Variants in CACNA1B observed in about 807,000 individuals in gnomAD.
The protein encoded by CACNA1B is voltage-dependent N-type calcium channel subunit alpha-1B.
A neutral mutation model predicts 247.2 loss-of-function variants in CACNA1B; 70 were observed. That is an observed-to-expected ratio of 0.28 (90% CI 0.23 to 0.35). The LOEUF (loss-of-function observed/expected upper bound fraction) is 0.35. Ranked by LOEUF, CACNA1B falls within the 10% of genes least tolerant of loss-of-function variation. The pLI is 1.00. For missense variants in CACNA1B, 2,367 were observed against 3,197.4 expected (o/e 0.74, Z 6.26); for synonymous variants, 1,231 against 1,294.4 (o/e 0.95, Z 1.05).
intron 20 of CACNA1B, among the ~76,000 whole-genome samples, chr9:138,029,222 CTGTAGGATATTCCCGTTA>C (rs1958958285): frequency 6.6e-6 from 1 of 152,160 alleles, no homozygotes; most frequent in South Asian, 2.1e-4. Flanking sequence ...AGGATATATT[CTGTAGGATATTCCCGTTA>C]TTGGTTCATA....
In CACNA1B at chr9:138,025,081, T is replaced by C; in HGVS notation, c.3195T>C (p.Thr1065=). 6.2e-7 allele frequency: 1 copy of C among 1,613,234 alleles called. No homozygotes were observed. Among genetic ancestry groups the C allele is most frequent in the African/African-American group, 1.3e-5 (1 of 75,038 alleles). The change falls in exon 20 of 47, where the codon ACT becomes ACC. Residue 1065 remains threonine (T), a synonymous_variant. Coordinates refer to ENST00000371372, the MANE Select transcript of CACNA1B (RefSeq NM_000718.4). ...ATGCAGACAATCAGCGGAACGTCAC[T>C]CGCATGGGCAGTCAGCCCCCAGACC... ...PEDADNQRNV[T]RMGSQPPDPN... is the part of the protein sequence containing the mutation.
chr9:137,894,302 A>ATTTTTTTTTTTTTTTTT, intron 3 of CACNA1B, among the ~76,000 whole-genome samples: 1 of 96,070 alleles, frequency 1.0e-5, no homozygotes, highest in Non-Finnish European at 2.3e-5. Flanking sequence ...TTGTCTCTGT[A>ATTTTTTTTTTTTTTTTT]TTTTTTTTTT....
At chr9:137,926,975 T>C (rs1957558154) in intron 6 of CACNA1B, among the ~76,000 whole-genome samples, 1 of 152,234 alleles carries the variant, frequency 6.6e-6, no homozygotes, top group Admixed American at 6.5e-5. Flanking sequence ...TCTCCCATTC[T>C]ATGTGTGCCC....
chr9:138,058,801 G>C lies in CACNA1B; in HGVS notation c.4473+68G>C. 4 of 1,395,470 alleles carry C rather than the reference G, an allele frequency of 2.9e-6. No homozygotes were observed. The highest frequency in any genetic ancestry group is 4.0e-6 in the Non-Finnish European group (4 of 1,010,818). 86.4% of individuals were successfully genotyped at this position (1,395,470 alleles called of 1,614,324 possible). A position where few individuals can be genotyped will look rare whatever the true frequency, so the allele number is the denominator to read the frequency against. On this transcript the variant is annotated intron_variant, in intron 29 of 46. Coordinates refer to ENST00000371372, the MANE Select transcript of CACNA1B (RefSeq NM_000718.4). This position sits in a 1 kb window ranked among gnomAD's most constrained non-coding sequence, Gnocchi z 4.7. The stretch of plus-strand genomic sequence containing the variant: ...GATTGGGATCTAACCCTGAGGCTGA[G>C]TGGAGAGTCAGCCTTCTTCCTCCCT...
At chr9:138,053,405 G>A (rs1959365281) in intron 25 of CACNA1B, among the ~76,000 whole-genome samples, 1 of 152,190 alleles carries the variant, frequency 6.6e-6, no homozygotes, top group Non-Finnish European at 1.5e-5. Flanking sequence ...CCTCTCTGTG[G>A]TCAGGGGCCT....
Position 138,073,378 on chromosome 9 carries a change from C to T in CACNA1B, c.4675-110C>T. 3.0e-6 allele frequency: 2 copies of T among 677,944 alleles called. No individual in the cohort carries two copies. Among genetic ancestry groups the T allele is most frequent in the Non-Finnish European group, 5.4e-6 (2 of 371,930 alleles). The allele number at this position is 677,944 out of a possible 1,614,324, so 42.0% of individuals were successfully genotyped here. On this transcript the variant is annotated intron_variant, in intron 32 of 46. Coordinates refer to ENST00000371372, the MANE Select transcript of CACNA1B (RefSeq NM_000718.4). The surrounding 1 kb of genome is among the most constrained non-coding windows in gnomAD (Gnocchi z 6.4). Reference sequence around the variant, plus strand: ...AGACCTTTGATTTTAATCTTTTTAACCACTTTTCTTTGGGGCCACAGGGAT... The same window carrying T: ...AGACCTTTGATTTTAATCTTTTTAATCACTTTTCTTTGGGGCCACAGGGAT...
chr9:137,967,720 CAT>C (rs1250901266), intron 10 of CACNA1B, among the ~76,000 whole-genome samples: 1 of 152,300 alleles, frequency 6.6e-6, no homozygotes, highest in East Asian at 1.9e-4. Flanking sequence ...TCCTGTTGCA[CAT>C]GAGGCATCGG....
At position 137,990,291 on chromosome 9, in the gene CACNA1B, C is replaced by T. The variant is rs2133387671; in HGVS notation, c.1974+3437C>T. On this transcript the variant is annotated intron_variant, in intron 15 of 46. Transcript: ENST00000371372. The surrounding 1 kb of genome is among the most constrained non-coding windows in gnomAD (Gnocchi z 4.5). ...ACCACACACCCATCCCCCACAGCAG[C>T]CACAGCAAGCCCCGCCCAAGCAGAG... is the stretch of plus-strand genomic sequence containing the variant. 6.6e-6 allele frequency among the ~76,000 whole-genome samples: 1 copy of T among 152,178 alleles called. No homozygotes were observed. Among genetic ancestry groups the T allele is most frequent in the Non-Finnish European group, 1.5e-5 (1 of 67,998 alleles).
chr9:138,073,976 A>G lies in CACNA1B; in HGVS notation c.4792-25A>G. 2 of 1,602,960 alleles carry G rather than the reference A, an allele frequency of 1.2e-6. No individual in the cohort carries two copies. Among genetic ancestry groups the G allele is most frequent in the Non-Finnish European group, 1.7e-6 (2 of 1,174,220 alleles). On this transcript the variant is annotated intron_variant, in intron 33 of 46. Transcript: ENST00000371372. This position sits in a 1 kb window ranked among gnomAD's most constrained non-coding sequence, Gnocchi z 6.4. ...GGCGTGGTGGCTGGGAGGTGCCTGT[A>G]GCTGACCGGCCCCTGTCTCCGCAGG...
chr9:138,017,117 G>A, intron 18 of CACNA1B: 1 of 518,936 alleles, frequency 1.9e-6, no homozygotes, highest in Admixed American at 1.9e-5. Flanking sequence ...ACTTCTGTCT[G>A]TTCTGTTTTT....
intron 8 of CACNA1B, 83 bp from the exon 9 acceptor site, chr9:137,956,688 C>T (rs1320469442): frequency 3.6e-6 from 4 of 1,123,488 alleles, no homozygotes; most frequent in African/African-American, 3.2e-5. Flanking sequence ...GAAGGCAGGG[C>T]CTTCCAGACA....
At chr9:137,901,033 G>C (rs544297528) in intron 3 of CACNA1B, among the ~76,000 whole-genome samples, 1 of 142,928 alleles carries the variant, frequency 7.0e-6, no homozygotes, top group African/African-American at 2.6e-5. Flanking sequence ...CCGTGTGTCC[G>C]TGTCTGTGCT....
At chr9:138,083,344 G>A (rs1322382191) in intron 36 of CACNA1B, among the ~76,000 whole-genome samples, 1 of 151,088 alleles carries the variant, frequency 6.6e-6, no homozygotes, top group East Asian at 2.0e-4. Context: ...TCCCTGAGGG[G>A]CCACGTGGAG....
At chr9:138,009,636 G>A (rs1397215438) in intron 16 of CACNA1B, among the ~76,000 whole-genome samples, 1 of 152,212 alleles carries the variant, frequency 6.6e-6, no homozygotes, top group East Asian at 1.9e-4. Context: ...TGGGAGCACA[G>A]CAGGCAGACC....
At position 138,121,417 on chromosome 9, in the gene CACNA1B, CTTTTTT is replaced by C. The variant is rs35987844; in HGVS notation, c.6490-39_6490-34del. 6.3e-4 allele frequency: 543 copies of C among 866,516 alleles called. 1 individual carries two copies. Among genetic ancestry groups the C allele is most frequent in the Non-Finnish European group, 8.3e-4 (514 of 617,062 alleles). The allele number at this position is 866,516 out of a possible 1,614,324, so 53.7% of individuals were successfully genotyped here. On this transcript the variant is annotated intron_variant, in intron 46 of 46. Transcript: ENST00000371372. The surrounding 1 kb of genome is among the most constrained non-coding windows in gnomAD (Gnocchi z 6.8). ...TGATGTGCTCTGTCTGTTGGTTCGG[CTTTTTT>C]TTTTTTTTTTTTACCTCTGATTTGT...
chr9:138,059,830 C>T lies in CACNA1B; in HGVS notation c.4668+93C>T, dbSNP rs1235792519. 6.5e-6 allele frequency: 5 copies of T among 770,418 alleles called. No homozygotes were observed. In the African/African-American group the frequency reaches 6.9e-5, roughly 11 times the overall value. 47.7% of individuals were successfully genotyped at this position (770,418 alleles called of 1,614,324 possible). ...GTGCATCTCCAGGCCCTGTGTTAGC[C>T]TCTTCCTGGGTTCCGCAGAACCCCC... On this transcript the variant is annotated intron_variant, in intron 31 of 46. Coordinates refer to ENST00000371372, the MANE Select transcript of CACNA1B (RefSeq NM_000718.4). The surrounding 1 kb of genome is among the most constrained non-coding windows in gnomAD (Gnocchi z 4.2).
rs562209109 is a variant in CACNA1B, at chr9:137,988,849, A to T, written c.1974+1995A>T. 9.8e-5 allele frequency among the ~76,000 whole-genome samples: 15 copies of T among 152,296 alleles called. No homozygotes were observed. In the East Asian group the frequency reaches 2.9e-3, roughly 29 times the overall value. On this transcript the variant is annotated intron_variant, in intron 15 of 46. Coordinates refer to ENST00000371372, the MANE Select transcript of CACNA1B (RefSeq NM_000718.4). ...GCTTGTTGAGCTGCAGAGACCAGGA[A>T]GGCTGCAGGGCAGGGCTGACTGGTG...
rs779578761 is a variant in CACNA1B, at chr9:138,115,543, C to A, written c.5650-9C>A. 1.2e-6 allele frequency: 2 copies of A among 1,611,410 alleles called. No homozygotes were observed. Among genetic ancestry groups the A allele is most frequent in the Middle Eastern group, 3.6e-4 (2 of 5,548 alleles). On this transcript the variant is annotated splice_polypyrimidine_tract_variant and intron_variant, in intron 41 of 46. Transcript: ENST00000371372. ...GGAGCTCTTTCCCTTCCCTTTGCCT[C>A]CTTTGCAGATGGGTCCTGTGTCCCT... is the stretch of plus-strand genomic sequence containing the variant.
At chr9:137,970,823 CAAAGTTTCCAACAGTAAGT>C (rs1182085487) in intron 10 of CACNA1B, among the ~76,000 whole-genome samples, 2 of 152,166 alleles carry the variant, frequency 1.3e-5, no homozygotes, top group African/African-American at 4.8e-5. Context: ...AGCAGGTAGA[CAAAGTTTCCAACAGTAAGT>C]ATTGTGGACA....
Sources: allele counts gnomAD v4.1 joint callset (sites outside exome capture counted in the v4.1 genomes callset), GRCh38; gene constraint gnomAD v4.1.1; non-coding constraint Gnocchi (gnomAD v3.1); transcripts MANE v1.5; gene names NCBI Gene and HGNC (gene_info 2026-07-23, HGNC 2026-07-21).